NPAS3: variants seen among roughly 807,000 people sequenced by gnomAD.
NPAS3 encodes neuronal PAS domain-containing protein 3.
NPAS3 carries 14 observed loss-of-function variants against 73.1 expected under a neutral mutation model. That is an observed-to-expected ratio of 0.19 (90% confidence interval 0.13 to 0.30). The LOEUF (loss-of-function observed/expected upper bound fraction) is 0.30, where lower values mean the gene tolerates loss of function less well. Ranked by LOEUF, NPAS3 falls within the 10% of genes least tolerant of loss-of-function variation. NPAS3 has a pLI of 1.00. For missense variants in NPAS3, 1,096 were observed against 1,250.0 expected, an observed-to-expected ratio of 0.88 and a Z score of 1.86; for synonymous variants, 620 against 541.5, an observed-to-expected ratio of 1.14 and a Z score of -2.01.
intron 2 of NPAS3, among the ~76,000 whole-genome samples, chr14:33,166,794 A>C (rs1437057364): frequency 6.6e-6 from 1 of 152,228 alleles, no homozygotes; most frequent in African/African-American, 2.4e-5. Flanking sequence ...GAAAAAATAT[A>C]AATGAAATCA....
chr14:33,234,183 A>G (rs1228209447), intron 3 of NPAS3, among the ~76,000 whole-genome samples: 1 of 152,186 alleles, frequency 6.6e-6, no homozygotes, highest in Non-Finnish European at 1.5e-5. Context: ...CCTTTAAAAA[A>G]TAATTTTACT....
intron 6 of NPAS3, among the ~76,000 whole-genome samples, chr14:33,677,589 T>TAATC (rs1264306391): frequency 6.8e-6 from 1 of 147,082 alleles, no homozygotes; most frequent in East Asian, 2.0e-4. Flanking sequence ...TGCCTAGAAG[T>TAATC]AATCACGATA....
intron 4 of NPAS3, among the ~76,000 whole-genome samples, chr14:33,498,870 A>T (rs2052354939): frequency 6.6e-6 from 1 of 151,394 alleles, no homozygotes; most frequent in South Asian, 2.1e-4. Flanking sequence ...CCACATAAGG[A>T]AGGTTTATTT....
intron 1 of NPAS3, among the ~76,000 whole-genome samples, chr14:32,967,687 A>G (rs969769390): frequency 5.3e-5 from 8 of 151,772 alleles, no homozygotes; most frequent in African/African-American, 1.9e-4. Flanking sequence ...ACAAAAAATA[A>G]CAAATACTGG....
At chr14:33,406,684 C>G (rs1421031776) in intron 4 of NPAS3, among the ~76,000 whole-genome samples, 1 of 152,106 alleles carries the variant, frequency 6.6e-6, no homozygotes, top group Non-Finnish European at 1.5e-5. Flanking sequence ...AAATCAAACA[C>G]CACAGTGCAA....
At chr14:33,575,009 G>A (rs142339879) in intron 5 of NPAS3, among the ~76,000 whole-genome samples, 2 of 152,288 alleles carry the variant, frequency 1.3e-5, no homozygotes, top group East Asian at 3.9e-4. Flanking sequence ...GTAATGCCAG[G>A]CAGGAGGAAA....
At chr14:33,715,580 G>A (rs1958055) in intron 6 of NPAS3, among the ~76,000 whole-genome samples, 51,433 of 151,990 alleles carry the variant, frequency 0.34, 9,430 homozygotes, top group Admixed American at 0.51. Flanking sequence ...AGCTCTATAC[G>A]TCTGTGTTGG....
chr14:33,655,726 T>TTTTG (rs1194345885), intron 5 of NPAS3, among the ~76,000 whole-genome samples: 16 of 152,154 alleles, frequency 1.1e-4, no homozygotes, highest in Non-Finnish European at 1.5e-5. Flanking sequence ...GGGTTTTTTG[T>TTTTG]TTTGTTTCGT....
chr14:33,603,251 G>C (rs948358749), intron 5 of NPAS3, among the ~76,000 whole-genome samples: 2 of 152,124 alleles, frequency 1.3e-5, no homozygotes, highest in African/African-American at 4.8e-5. Context: ...TGCAGAAGAA[G>C]ATATTAGTGA....
chr14:33,607,479 A>T (rs942635253), intron 5 of NPAS3, among the ~76,000 whole-genome samples: 2 of 152,156 alleles, frequency 1.3e-5, no homozygotes, highest in South Asian at 4.1e-4. Flanking sequence ...GTGACAAAAA[A>T]TAGATTCAGT....
intron 2 of NPAS3, among the ~76,000 whole-genome samples, chr14:33,099,327 T>A (rs2042515644): frequency 6.6e-6 from 1 of 152,226 alleles, no homozygotes; most frequent in Admixed American, 6.5e-5. Context: ...GACATCTTAA[T>A]ACTATGGTAC....
intron 4 of NPAS3, among the ~76,000 whole-genome samples, chr14:33,371,097 T>G (rs962382319): frequency 2.3e-4 from 35 of 152,108 alleles, no homozygotes; most frequent in African/African-American, 8.2e-4. Context: ...TGTCATCATT[T>G]AAGAGGCCAG....
chr14:33,149,877 C>T (rs183666763), intron 2 of NPAS3, among the ~76,000 whole-genome samples: 7 of 152,248 alleles, frequency 4.6e-5, no homozygotes, highest in African/African-American at 1.4e-4. Flanking sequence ...TGGTGGTGTG[C>T]TGCACCCATT....
intron 1 of NPAS3, among the ~76,000 whole-genome samples, chr14:33,006,354 G>T (rs2039002675): frequency 6.6e-6 from 1 of 152,094 alleles, no homozygotes; most frequent in South Asian, 2.1e-4. Context: ...GCTGTCCTGG[G>T]CAAACTGGAT....
chr14:33,796,135 G>A (rs929628926), intron 10 of NPAS3, among the ~76,000 whole-genome samples: 5 of 152,054 alleles, frequency 3.3e-5, no homozygotes, highest in African/African-American at 1.2e-4. Flanking sequence ...AACTACAGAA[G>A]TTTGGTTTTC....
chr14:33,558,348 C>T (rs1190024721), intron 4 of NPAS3, among the ~76,000 whole-genome samples: 15 of 152,020 alleles, frequency 9.9e-5, no homozygotes. Flanking sequence ...GCAACCTCCT[C>T]CTCCCGGGCT....
intron 4 of NPAS3, among the ~76,000 whole-genome samples, chr14:33,391,600 G>A (rs1048101130): frequency 3.3e-5 from 5 of 152,242 alleles, no homozygotes; most frequent in Non-Finnish European, 5.9e-5. Context: ...GAGAGAAAGA[G>A]AGGTAGAGAG....
chr14:33,578,350 C>A, intron 5 of NPAS3: 1 of 381,458 alleles, frequency 2.6e-6, no homozygotes, highest in Non-Finnish European at 5.1e-6. Flanking sequence ...TGTACTACCA[C>A]ACCTGGCTAA....
At chr14:33,660,208 G>C (rs2059267605) in intron 5 of NPAS3, among the ~76,000 whole-genome samples, 1 of 152,130 alleles carries the variant, frequency 6.6e-6, no homozygotes, top group Admixed American at 6.5e-5. Context: ...AAGAAAACCT[G>C]CTGTGTTCTC....
Sources: allele counts gnomAD v4.1 joint callset (sites outside exome capture counted in the v4.1 genomes callset), GRCh38; gene constraint gnomAD v4.1.1; transcripts MANE v1.5; gene names NCBI Gene and HGNC (gene_info 2026-07-23, HGNC 2026-07-21).